SYTL4: variants seen among roughly 807,000 people sequenced by gnomAD.
SYTL4 encodes the protein synaptotagmin-like protein 4.
SYTL4 carries 16 observed loss-of-function variants against 52.7 expected under a neutral mutation model. The ratio of observed to expected loss-of-function variants is 0.30; its 90% confidence interval spans 0.21 to 0.46. The LOEUF is 0.46. Ranked by LOEUF, SYTL4 falls within the 20% of genes least tolerant of loss-of-function variation. SYTL4 has a pLI of 1.00. For missense variants in SYTL4, 423 were observed against 519.9 expected, an observed-to-expected ratio of 0.81 and a Z score of 1.81; for synonymous variants, 160 against 186.6, an observed-to-expected ratio of 0.86 and a Z score of 1.16.
At chrX:100,694,133 T>C (rs994305877) in intron 8 of SYTL4, among the ~76,000 whole-genome samples, 1 of 111,991 alleles carries the variant, frequency 8.9e-6, no homozygotes, top group African/African-American at 3.3e-5. Context: ...GTACTAACAA[T>C]CACAGAACTT....
intron 13 of SYTL4, 87 bp from the exon 14 acceptor site, chrX:100,687,332 T>A: frequency 1.2e-6 from 1 of 866,303 alleles, no homozygotes. Context: ...AAAACCACAG[T>A]CACTGAACAG....
chrX:100,714,571 T>C (rs1229483579), intron 2 of SYTL4, among the ~76,000 whole-genome samples: 5 of 111,548 alleles, frequency 4.5e-5, no homozygotes, highest in Non-Finnish European at 9.4e-5. Context: ...GGTTTTTTAA[T>C]AGAGAATAAA....
chrX:100,686,447 T>A (rs760358795), intron 15 of SYTL4: 48 of 390,588 alleles, frequency 1.2e-4, no homozygotes, highest in South Asian at 3.0e-4. Flanking sequence ...ATGTCTTTTT[T>A]ACATGAGATT....
chrX:100,724,284 C>A (rs1489495609), intron 2 of SYTL4, among the ~76,000 whole-genome samples: 1 of 102,370 alleles, frequency 9.8e-6, no homozygotes, highest in Non-Finnish European at 2.0e-5. Flanking sequence ...CCGCCCCATC[C>A]GGGAGGTGAG....
At chrX:100,686,518 C>A in intron 15 of SYTL4, 161 bp downstream of exon 15, 1 of 438,431 alleles carries the variant, frequency 2.3e-6, no homozygotes. Context: ...CCTTTGTTCT[C>A]TTCACTGGGA....
intron 12 of SYTL4, among the ~76,000 whole-genome samples, chrX:100,689,209 C>T (rs913681972): frequency 1.3e-5 from 1 of 79,730 alleles, no homozygotes; most frequent in Non-Finnish European, 2.5e-5. Context: ...TCCCATCTCT[C>T]AAAAAAAAAA....
At chrX:100,679,764 C>T (rs1346637036) in intron 17 of SYTL4, among the ~76,000 whole-genome samples, 1 of 111,362 alleles carries the variant, frequency 9.0e-6, no homozygotes, top group Non-Finnish European at 1.9e-5. Flanking sequence ...GATATTTGTT[C>T]AATGATTTAA....
chrX:100,687,147 C>T lies in SYTL4; in HGVS notation c.1104G>A (p.Gln368=), dbSNP rs1267226171. 1.7e-6 allele frequency: 2 copies of T among 1,211,508 alleles called. No homozygotes were observed. Among genetic ancestry groups the T allele is most frequent in the Admixed American group, 2.2e-5 (1 of 46,044 alleles). ...GRIAFSLKYE[Q]QTQSLVVHVK... ...CATGGACAACCAGACTCTGGGTTTG[C>T]TGCTCATACTTCAGGGAAAAGGCAA... The change falls in exon 14 of 20, where the codon CAG becomes CAA. Residue 368 remains glutamine (Q), a synonymous_variant. Coordinates refer to ENST00000372989, the MANE Select transcript of SYTL4 (RefSeq NM_001370165.1).
intron 2 of SYTL4, among the ~76,000 whole-genome samples, chrX:100,717,914 T>C (rs1319387010): frequency 1.8e-5 from 2 of 112,463 alleles, no homozygotes; most frequent in Non-Finnish European, 1.9e-5. Context: ...AGCATAGAAT[T>C]GTGCTTAAAA....
intron 8 of SYTL4, among the ~76,000 whole-genome samples, chrX:100,691,773 C>T (rs1279145675): frequency 1.8e-5 from 2 of 111,364 alleles, no homozygotes; most frequent in Non-Finnish European, 3.8e-5. Flanking sequence ...CTCCTGACCT[C>T]GTGATCCGCC....
At chrX:100,721,136 A>G (rs1449353749) in intron 2 of SYTL4, among the ~76,000 whole-genome samples, 1 of 111,863 alleles carries the variant, frequency 8.9e-6, no homozygotes, top group Non-Finnish European at 1.9e-5. Flanking sequence ...AAATATTCAA[A>G]TTAGATTTGT....
chrX:100,713,736 A>G (rs917518759), intron 2 of SYTL4, among the ~76,000 whole-genome samples: 2 of 111,923 alleles, frequency 1.8e-5, no homozygotes, highest in African/African-American at 6.5e-5. Context: ...AAATGGATAA[A>G]CAAATTGTAG....
chrX:100,730,593 A>C (rs1432291997), intron 2 of SYTL4, among the ~76,000 whole-genome samples: 1 of 111,778 alleles, frequency 8.9e-6, no homozygotes, highest in Non-Finnish European at 1.9e-5. Context: ...AGCTCAATGG[A>C]GCCTAACAAC....
intron 2 of SYTL4, among the ~76,000 whole-genome samples, chrX:100,713,166 C>T (rs768906561): frequency 2.7e-5 from 3 of 112,314 alleles, no homozygotes; most frequent in South Asian, 3.7e-4. Context: ...ATACGTAGGC[C>T]GGACGTGGTG....
In SYTL4 at chrX:100,685,878, T is replaced by C. The variant is rs758558580; in HGVS notation, c.1449+112A>G. On this transcript the variant is annotated intron_variant, in intron 16 of 19. Transcript: ENST00000372989. The stretch of plus-strand genomic sequence containing the variant: ...ACTCAGAAACACCAGCAGGGGGCAC[T>C]AGAACTCCAGAGAAGACTACATTCA... 20 of 780,932 alleles carry C rather than the reference T, an allele frequency of 2.6e-5. No homozygotes were observed. In the South Asian group the frequency reaches 8.1e-4, roughly 31 times the overall value. 64.4% of individuals were successfully genotyped at this position (780,932 alleles called of 1,213,427 possible).
chrX:100,679,466 T>C, intron 17 of SYTL4, 54 bp from the exon 18 acceptor site: 1 of 981,787 alleles, frequency 1.0e-6, no homozygotes, highest in South Asian at 2.0e-5. Context: ...TAGATTTATC[T>C]TGAGCTTTGT....
intron 16 of SYTL4, among the ~76,000 whole-genome samples, chrX:100,683,160 G>A (rs528099919): frequency 3.2e-5 from 1 of 31,260 alleles, no homozygotes; most frequent in African/African-American, 1.3e-4. Context: ...TTTTTTTTTT[G>A]AGACAGGGTT....
Position 100,724,248 on chromosome X carries a change from G to A in SYTL4, c.-240+7170C>T, listed in dbSNP as rs1219504146. ...GCCGCCCCGTCCAGGAGGGAGGTGG[G>A]GGGGGTCAGCGCCCCGCCCGGCCAG... On this transcript the variant is annotated intron_variant, in intron 2 of 19. Transcript: ENST00000372989. Among the ~76,000 whole-genome samples the A allele has an allele frequency of 3.8e-5, 4 of 105,298 alleles. No individual in the cohort carries two copies. The Admixed American group carries it at 3.9e-4, about 10-fold the overall frequency. The allele number at this position is 105,298 out of a possible 115,157, so 91.4% of individuals were successfully genotyped here. A position where few individuals can be genotyped will look rare whatever the true frequency, so the allele number is the denominator to read the frequency against.
chrX:100,681,056 T>C (rs2083364199), intron 17 of SYTL4, among the ~76,000 whole-genome samples, 171 bp downstream of exon 17: 1 of 111,338 alleles, frequency 9.0e-6, no homozygotes, highest in Non-Finnish European at 1.9e-5. Context: ...AGGCATTCCC[T>C]TCTGTTTGAA....
Sources: allele counts gnomAD v4.1 joint callset (sites outside exome capture counted in the v4.1 genomes callset), GRCh38; gene constraint gnomAD v4.1.1; transcripts MANE v1.5; gene names NCBI Gene and HGNC (gene_info 2026-07-23, HGNC 2026-07-21).